Variants in FBLN5 observed in about 807,000 individuals in gnomAD.
FBLN5 encodes the protein fibulin 5, also known as fibulin-5.
In FBLN5, 24 loss-of-function variants were observed where a neutral mutation model predicts 61.6. The observed-to-expected ratio is 0.39, with a 90% CI of 0.28 to 0.55. FBLN5 has a LOEUF of 0.55. Among genes scored for constraint, FBLN5 ranks in the 20% least tolerant of loss-of-function variants. The probability of loss-of-function intolerance (pLI) is 0.65; values close to 1 mark genes in which losing one functional copy is unlikely to be tolerated. For missense variants in FBLN5, 470 were observed against 594.1 expected (o/e 0.79, Z 2.17); for synonymous variants, 213 against 219.8 (o/e 0.97, Z 0.27).
chr14:91,936,614 T>G (rs1331333023), intron 4 of FBLN5, among the ~76,000 whole-genome samples: 1 of 152,230 alleles, frequency 6.6e-6, no homozygotes, highest in Non-Finnish European at 1.5e-5. Context: ...CCAGATGTAT[T>G]GGTTATTTGA....
intron 10 of FBLN5, among the ~76,000 whole-genome samples, chr14:91,876,578 G>C (rs936908709): frequency 2.6e-5 from 4 of 152,212 alleles, no homozygotes; most frequent in African/African-American, 9.7e-5. Context: ...GACAAAGGGA[G>C]ATTTGATACA....
At chr14:91,896,722 G>A (rs1442241277) in intron 4 of FBLN5, among the ~76,000 whole-genome samples, 1 of 152,158 alleles carries the variant, frequency 6.6e-6, no homozygotes, top group African/African-American at 2.4e-5. Context: ...CAGATTCAGG[G>A]GGGAGCTGGC....
intron 10 of FBLN5, chr14:91,874,816 T>G (rs138148338): frequency 2.0e-5 from 3 of 152,532 alleles, no homozygotes; most frequent in Admixed American, 2.0e-4. Context: ...CCTACATACA[T>G]ACTTTTTTGT....
chr14:91,945,750 C>T (rs986934173), intron 1 of FBLN5, among the ~76,000 whole-genome samples: 50 of 152,118 alleles, frequency 3.3e-4, no homozygotes, highest in Admixed American at 2.2e-3. Flanking sequence ...AAAATAAGGA[C>T]GCTGAGAGTC....
At chr14:91,915,129 C>T (rs1891132534) in intron 4 of FBLN5, among the ~76,000 whole-genome samples, 1 of 151,442 alleles carries the variant, frequency 6.6e-6, no homozygotes, top group Non-Finnish European at 1.5e-5. Context: ...CACTGCACTC[C>T]AGCCTGGGCA....
intron 2 of FBLN5, 39 bp downstream of exon 2, chr14:91,942,868 A>G: frequency 7.4e-7 from 1 of 1,356,776 alleles, no homozygotes; most frequent in Non-Finnish European, 1.0e-6. Flanking sequence ...CCCGGATTTT[A>G]ATACGCTTGT....
rs373248595 is a variant in FBLN5, at chr14:91,878,992, A to G, written c.990-1310T>C. ...CTACTTAAAAGGCTGAGGCAGGACG[A>G]TTGTTTGAGCCCAAAAGGTTGAGGC... On this transcript the variant is annotated intron_variant, in intron 9 of 10. Transcript: ENST00000342058. Among the ~76,000 whole-genome samples the G allele has an allele frequency of 3.3e-5, 5 of 152,304 alleles. No homozygotes were observed. In the East Asian group the frequency reaches 9.7e-4, roughly 29 times the overall value.
intron 4 of FBLN5, among the ~76,000 whole-genome samples, chr14:91,918,349 T>C (rs973188577): frequency 6.6e-6 from 1 of 152,168 alleles, no homozygotes; most frequent in Non-Finnish European, 1.5e-5. Flanking sequence ...CTGCTCTTGC[T>C]CTCTACAGCA....
chr14:91,908,876 A>G (rs933607185), intron 4 of FBLN5, among the ~76,000 whole-genome samples: 1 of 151,918 alleles, frequency 6.6e-6, no homozygotes, highest in Non-Finnish European at 1.5e-5. Context: ...TTGATTCAGG[A>G]GGTCTAGAAA....
intron 5 of FBLN5, among the ~76,000 whole-genome samples, 181 bp from the exon 6 acceptor site, chr14:91,891,518 C>T (rs1407986017): frequency 2.0e-5 from 3 of 152,160 alleles, no homozygotes; most frequent in Non-Finnish European, 4.4e-5. Context: ...ATACAAGGCT[C>T]AATCTCCCCA....
At chr14:91,878,029 C>A (rs767456900) in intron 9 of FBLN5, 23 of 438,000 alleles carry the variant, frequency 5.3e-5, no homozygotes, top group Non-Finnish European at 7.0e-5. Flanking sequence ...CAGAGCAAGA[C>A]CCTGTCTCAA....
chr14:91,914,163 C>T (rs972749512), intron 4 of FBLN5, among the ~76,000 whole-genome samples: 91 of 151,838 alleles, frequency 6.0e-4, no homozygotes, highest in African/African-American at 2.0e-3. Context: ...AGAAACATGG[C>T]GAGGCCCTGC....
chr14:91,895,919 T>G (rs2430362), intron 4 of FBLN5, among the ~76,000 whole-genome samples: 92,398 of 151,584 alleles, frequency 0.61, 28,745 homozygotes, highest in Admixed American at 0.75. Flanking sequence ...CTCCACTCCA[T>G]AGTTCCTGGG....
chr14:91,880,522 CGTGCGTGTGTGTGTGTGT>C (rs1249007305), intron 9 of FBLN5, among the ~76,000 whole-genome samples: 6 of 106,832 alleles, frequency 5.6e-5, no homozygotes, highest in African/African-American at 2.1e-4. Context: ...TGGGAGTGTG[CGTGCGTGTGTGTGTGTGT>C]GTGTGTGTGT....
intron 4 of FBLN5, among the ~76,000 whole-genome samples, chr14:91,925,396 A>C (rs1448211548): frequency 6.6e-6 from 1 of 152,064 alleles, no homozygotes; most frequent in African/African-American, 2.4e-5. Context: ...AATCCTGTGA[A>C]TGTCCTTTCC....
chr14:91,929,383 A>G (rs1052614628), intron 4 of FBLN5, among the ~76,000 whole-genome samples: 1 of 152,148 alleles, frequency 6.6e-6, no homozygotes, highest in Non-Finnish European at 1.5e-5. Context: ...GTTAGTGGGG[A>G]AAAATATGAC....
In FBLN5 at chr14:91,937,345, C is replaced by CT. The variant is rs59331216; in HGVS notation, c.125-145_125-144insA. The CT allele has an allele frequency of 0.013, 12,683 of 993,102 alleles. 311 individuals are homozygous for CT. Among genetic ancestry groups the CT allele is most frequent in the East Asian group, 0.091 (3,486 of 38,316 alleles). The allele number at this position is 993,102 out of a possible 1,614,324, so 61.5% of individuals were successfully genotyped here. ...CCCAACTCATCGCGGTAAGGTACCC[C>CT]AAATGTTGGCTGAAGTGTATCAAAG... On this transcript the variant is annotated intron_variant, in intron 3 of 10. Transcript: ENST00000342058.
intron 4 of FBLN5, among the ~76,000 whole-genome samples, chr14:91,908,408 C>T (rs1043000066): frequency 3.3e-5 from 5 of 152,328 alleles, no homozygotes; most frequent in South Asian, 2.1e-4. Context: ...CAGAGACTTT[C>T]TTCATTAGGC....
intron 4 of FBLN5, among the ~76,000 whole-genome samples, chr14:91,914,705 T>G (rs1379083035): frequency 6.6e-6 from 1 of 150,936 alleles, no homozygotes; most frequent in Non-Finnish European, 1.5e-5. Flanking sequence ...AAAACAGGAA[T>G]TGATGAAATA....
Sources: gnomAD v4.1 joint callset for allele counts (sites outside exome capture counted in the v4.1 genomes callset) on GRCh38, gnomAD v4.1.1 for gene constraint, MANE v1.5 for transcripts, NCBI Gene and HGNC (gene_info 2026-07-23, HGNC 2026-07-21) for gene names.